The following NDUFV3 variants were observed in gnomAD, a reference collection of about 807,000 sequenced individuals.
NDUFV3 encodes NADH:ubiquinone oxidoreductase subunit V3.
NDUFV3 carries 44 observed loss-of-function variants against 37.5 expected under a neutral mutation model. That is an observed-to-expected ratio of 1.17 (90% CI 0.92 to 1.51). The LOEUF (loss-of-function observed/expected upper bound fraction) is 1.51, where lower values mean the gene tolerates loss of function less well. Among genes scored for constraint, NDUFV3 ranks in the 40% most tolerant of loss-of-function variants. The pLI is 0.00. For missense variants in NDUFV3, 580 were observed against 580.4 expected (o/e 1.00, Z 0.01); for synonymous variants, 235 against 239.3 (o/e 0.98, Z 0.17).
intron 3 of NDUFV3, among the ~76,000 whole-genome samples, chr21:42,906,542 G>A (rs1601225019): frequency 6.6e-6 from 1 of 152,196 alleles, no homozygotes; most frequent in Non-Finnish European, 1.5e-5. Context: ...CGAAAATGGA[G>A]ACGAATAACA....
Position 42,894,386 on chromosome 21 carries a change from A to AT in NDUFV3, c.48+1005_48+1006insT, listed in dbSNP as rs370179591. Among the ~76,000 whole-genome samples the AT allele has an allele frequency of 1.1e-4, 3 of 27,866 alleles. No homozygotes were observed. In the African/African-American group the frequency reaches 1.7e-3, roughly 16 times the overall value. 18.3% of individuals were successfully genotyped at this position (27,866 alleles called of 152,430 possible). A position where few individuals can be genotyped will look rare whatever the true frequency, so the allele number is the denominator to read the frequency against. On this transcript the variant is annotated intron_variant, in intron 1 of 3. Coordinates refer to ENST00000354250, the MANE Select transcript of NDUFV3 (RefSeq NM_021075.4). Reference sequence around the variant, plus strand: ...TATATATATATTTATATAATATGTAAATATATATTATATATTTATATAATA... The same window carrying AT: ...TATATATATATTTATATAATATGTAATATATATATTATATATTTATATAATA...
intron 2 of NDUFV3, among the ~76,000 whole-genome samples, chr21:42,901,438 A>G (rs1231006408): frequency 6.6e-6 from 1 of 151,578 alleles, no homozygotes; most frequent in Non-Finnish European, 1.5e-5. Flanking sequence ...GTGAAACTCC[A>G]TCTCAAAAAA....
intron 2 of NDUFV3, among the ~76,000 whole-genome samples, chr21:42,898,962 T>C (rs937359377): frequency 1.3e-5 from 2 of 152,234 alleles, no homozygotes; most frequent in African/African-American, 4.8e-5. Flanking sequence ...TTTAGATACA[T>C]GCGTCTGTGT....
At chr21:42,894,387 ATATATAT>A (rs1157057042) in intron 1 of NDUFV3, among the ~76,000 whole-genome samples, 1 of 29,224 alleles carries the variant, frequency 3.4e-5, no homozygotes, top group Non-Finnish European at 5.8e-5. Flanking sequence ...TAATATGTAA[ATATATAT>A]TATATATTTA....
chr21:42,904,329 CA>C, intron 3 of NDUFV3, 53 bp downstream of exon 3: 4 of 1,551,140 alleles, frequency 2.6e-6, no homozygotes, highest in Non-Finnish European at 3.5e-6. Context: ...GGTAGTGAGG[CA>C]AAAGAACTAA....
chr21:42,901,956 C>G (rs932710184), intron 2 of NDUFV3, among the ~76,000 whole-genome samples: 2 of 152,220 alleles, frequency 1.3e-5, no homozygotes, highest in African/African-American at 4.8e-5. Flanking sequence ...CGCCTGTAAT[C>G]CCAGCACTTT....
At chr21:42,907,639 C>T (rs1458344553) in intron 3 of NDUFV3, among the ~76,000 whole-genome samples, 1 of 152,030 alleles carries the variant, frequency 6.6e-6, no homozygotes, top group Non-Finnish European at 1.5e-5. Flanking sequence ...TTAGTGGAGA[C>T]AGGGTTTCAC....
In NDUFV3 at chr21:42,903,390, G is replaced by C. The variant is rs139573807; in HGVS notation, c.378G>C (p.Gln126His). ...GAAAGACTTTGGTAGAGTTTCCACAGAAAGTTCTGTCTCCATTCAGAAAAC... is the reference window on the plus strand; with the variant it reads ...GAAAGACTTTGGTAGAGTTTCCACACAAAGTTCTGTCTCCATTCAGAAAAC... ...LSRKTLVEFPQKVLSPFRKQG... is the reference protein window; with the variant it reads ...LSRKTLVEFPHKVLSPFRKQG... The change falls in exon 3 of 4, where the codon CAG (glutamine) becomes CAC (histidine). Residue 126 changes from glutamine to histidine, a missense_variant. Transcript: ENST00000354250. 4.3e-6 allele frequency: 7 copies of C among 1,614,232 alleles called. No homozygotes were observed. In the African/African-American group the frequency reaches 8.0e-5, roughly 18 times the overall value.
intron 2 of NDUFV3, among the ~76,000 whole-genome samples, chr21:42,901,656 C>T (rs1166876603): frequency 6.6e-6 from 1 of 151,990 alleles, no homozygotes; most frequent in Non-Finnish European, 1.5e-5. Flanking sequence ...CAAGCAGTGC[C>T]AGGCACTGTT....
intron 3 of NDUFV3, 99 bp from the exon 4 acceptor site, chr21:42,908,765 A>C: frequency 7.1e-7 from 1 of 1,412,210 alleles, no homozygotes; most frequent in Non-Finnish European, 1.0e-6. Context: ...GATAGGGATG[A>C]TGAAGAATGC....
chr21:42,904,404 A>C, intron 3 of NDUFV3, 128 bp downstream of exon 3: 1 of 1,284,896 alleles, frequency 7.8e-7, no homozygotes, highest in Non-Finnish European at 1.1e-6. Flanking sequence ...TATGGCCTGT[A>C]ACGCTGTCTC....
rs1491183558 is a variant in NDUFV3, at chr21:42,894,360, T to TATAA, written c.48+979_48+980insATAA. ...TATATATATTATATATAAATATATA[T>TATAA]TATATATATATTTATATAATATGTA... is the stretch of plus-strand genomic sequence containing the variant. On this transcript the variant is annotated intron_variant, in intron 1 of 3. Coordinates refer to ENST00000354250, the MANE Select transcript of NDUFV3 (RefSeq NM_021075.4). 5.0e-4 allele frequency among the ~76,000 whole-genome samples: 13 copies of TATAA among 25,996 alleles called. No homozygotes were observed. The African/African-American group carries it at 6.0e-3, about 12-fold the overall frequency. The allele number at this position is 25,996 out of a possible 152,430, so 17.1% of individuals were successfully genotyped here.
chr21:42,897,024 C>T lies in NDUFV3; in HGVS notation c.146C>T (p.Ser49Phe). 4 of 1,614,052 alleles carry T rather than the reference C, an allele frequency of 2.5e-6. No homozygotes were observed. The highest frequency in any genetic ancestry group is 3.4e-6 in the Non-Finnish European group (4 of 1,179,994). The change falls in exon 2 of 4, where the codon TCC becomes TTC. Residue 49 changes from serine (S) to phenylalanine (F), a missense_variant. Ser to Phe is a radical substitution (Grantham distance 155). Coordinates refer to ENST00000354250, the MANE Select transcript of NDUFV3 (RefSeq NM_021075.4). ...GKSEKGQPQN[S>F]KKQSPPKNVV... The stretch of plus-strand genomic sequence containing the variant: ...AGTGAAAAGGGTCAGCCACAGAATT[C>T]CAAGAAGCAAAGTCCACCAAAAAGT...
chr21:42,896,745 C>G (rs909237741), intron 1 of NDUFV3, among the ~76,000 whole-genome samples, 182 bp from the exon 2 acceptor site: 1 of 152,004 alleles, frequency 6.6e-6, no homozygotes, highest in African/African-American at 2.4e-5. Context: ...CTGGCTATGT[C>G]AGAGTATCGC....
In NDUFV3 at chr21:42,903,861, G is replaced by C; in HGVS notation, c.849G>C (p.Lys283Asn). 6.2e-7 allele frequency: 1 copy of C among 1,612,660 alleles called. No homozygotes were observed. Residue 283 changes from lysine to asparagine, a missense_variant, in exon 3 of 4, where the codon AAG becomes AAC. Transcript: ENST00000354250. ...ATGAAATAGATAAAGAAAGCCAAAAGCCATTTGAAGTTAAAGGACCCTTAC... is the reference window on the plus strand; with the variant it reads ...ATGAAATAGATAAAGAAAGCCAAAACCCATTTGAAGTTAAAGGACCCTTAC... Reference protein sequence around the residue: ...RLNEIDKESQKPFEVKGPLPV... With the variant: ...RLNEIDKESQNPFEVKGPLPV...
At chr21:42,897,643 G>A (rs1187836911) in intron 2 of NDUFV3, among the ~76,000 whole-genome samples, 3 of 150,392 alleles carry the variant, frequency 2.0e-5, no homozygotes, top group East Asian at 4.0e-4. Context: ...AAAGTGTTGG[G>A]ATTACAGGCG....
chr21:42,902,914 A>C (rs2058722813), intron 2 of NDUFV3, among the ~76,000 whole-genome samples: 2 of 152,176 alleles, frequency 1.3e-5, no homozygotes, highest in Non-Finnish European at 2.9e-5. Flanking sequence ...TACCTCATAC[A>C]ATGTAAATGC....
At chr21:42,894,500 AT>A (rs1235997077) in intron 1 of NDUFV3, among the ~76,000 whole-genome samples, 3 of 84,050 alleles carry the variant, frequency 3.6e-5, no homozygotes, top group South Asian at 2.7e-4. Context: ...TATATAATAT[AT>A]AATATATATT....
intron 1 of NDUFV3, among the ~76,000 whole-genome samples, chr21:42,893,917 C>A (rs991408030): frequency 3.5e-4 from 53 of 152,296 alleles, no homozygotes; most frequent in African/African-American, 1.3e-3. Flanking sequence ...AAATAAAAAG[C>A]TAAGGCCAAG....
Sources: allele counts gnomAD v4.1 joint callset (sites outside exome capture counted in the v4.1 genomes callset), GRCh38; gene constraint gnomAD v4.1.1; transcripts MANE v1.5; gene names NCBI Gene and HGNC (gene_info 2026-07-23, HGNC 2026-07-21).